The following MAP4 variants were observed in gnomAD, a reference collection of about 807,000 sequenced individuals.
MAP4 encodes the protein microtubule associated protein 4.
Under a neutral mutation model 170.2 loss-of-function variants are expected in MAP4, and 76 were observed. That is an observed-to-expected ratio of 0.45 (90% CI 0.37 to 0.54). The LOEUF (loss-of-function observed/expected upper bound fraction) is 0.54, where lower values mean the gene tolerates loss of function less well. Among genes scored for constraint, MAP4 ranks in the 20% least tolerant of loss-of-function variants. The pLI, the probability that MAP4 is intolerant of heterozygous loss-of-function variation, is 0.00. For missense variants in MAP4, 2,506 were observed against 2,748.0 expected, an observed-to-expected ratio of 0.91 and a Z score of 1.97; for synonymous variants, 909 against 994.5, an observed-to-expected ratio of 0.91 and a Z score of 1.62.
At chr3:47,954,724 C>T (rs2100066627) in intron 3 of MAP4, among the ~76,000 whole-genome samples, 1 of 152,166 alleles carries the variant, frequency 6.6e-6, no homozygotes, top group African/African-American at 2.4e-5. Flanking sequence ...GCTACTGTGG[C>T]CTATCAGTCA....
At chr3:47,897,863 A>G (rs1577253815) in intron 10 of MAP4, among the ~76,000 whole-genome samples, 1 of 148,106 alleles carries the variant, frequency 6.8e-6, no homozygotes, top group African/African-American at 2.6e-5. Flanking sequence ...AATCGCTTGA[A>G]CCTGGGAGGT....
In MAP4 at chr3:48,071,807, A is replaced by G. The variant is rs561453722; in HGVS notation, c.-20+16966T>C. ...TAGTCCCAGATACTCGGGAGGCTAAAGCAGGAGAATTGCTTGAACCCAGGA... is the reference window on the plus strand; with the variant it reads ...TAGTCCCAGATACTCGGGAGGCTAAGGCAGGAGAATTGCTTGAACCCAGGA... On this transcript the variant is annotated intron_variant, in intron 1 of 18. Coordinates refer to the MAP4 transcript ENST00000360240. Among the ~76,000 whole-genome samples the G allele has an allele frequency of 1.0e-3, 152 of 151,768 alleles. 1 individual carries two copies. Among genetic ancestry groups the G allele is most frequent in the Middle Eastern group, 3.4e-3 (1 of 292 alleles).
chr3:47,936,752 A>G (rs574493881), intron 3 of MAP4, among the ~76,000 whole-genome samples: 67 of 152,106 alleles, frequency 4.4e-4, no homozygotes, highest in Admixed American at 8.5e-4. Flanking sequence ...AAGCCAAGGT[A>G]GGCAGATCAC....
intron 1 of MAP4, among the ~76,000 whole-genome samples, chr3:48,060,794 T>TA (rs898030759): frequency 1.3e-5 from 2 of 152,060 alleles, no homozygotes; most frequent in African/African-American, 4.8e-5. Context: ...TAGCCAGTCT[T>TA]ACAACCCAAT....
At chr3:47,944,852 T>G (rs1425494206) in intron 3 of MAP4, among the ~76,000 whole-genome samples, 1 of 151,704 alleles carries the variant, frequency 6.6e-6, no homozygotes, top group Non-Finnish European at 1.5e-5. Flanking sequence ...TTTTTAATTA[T>G]GAGATAACTG....
At chr3:48,051,149 A>G (rs1048125485) in intron 1 of MAP4, among the ~76,000 whole-genome samples, 3 of 151,264 alleles carry the variant, frequency 2.0e-5, no homozygotes, top group Non-Finnish European at 4.4e-5. Context: ...GTGGTGGCTC[A>G]TGCCTGTAAT....
At chr3:48,021,072 C>T (rs1227911422), upstream of MAP4, among the ~76,000 whole-genome samples, 1 of 152,156 alleles carries the variant, frequency 6.6e-6, no homozygotes, top group African/African-American at 2.4e-5. Context: ...AATTAATCAA[C>T]AATCTACCTA....
chr3:48,042,777 A>G (rs2100122322), intron 1 of MAP4, among the ~76,000 whole-genome samples: 2 of 152,218 alleles, frequency 1.3e-5, no homozygotes, highest in African/African-American at 4.8e-5. Context: ...TAAATGATAA[A>G]TAAAATGAGG....
At chr3:48,051,300 C>A (rs1013783211) in intron 1 of MAP4, among the ~76,000 whole-genome samples, 4 of 151,996 alleles carry the variant, frequency 2.6e-5, no homozygotes, top group Admixed American at 6.6e-5. Flanking sequence ...GTAATCCCAG[C>A]TACCAGGAGG....
chr3:47,934,213 T>C (rs544761499), intron 3 of MAP4, among the ~76,000 whole-genome samples: 3 of 152,312 alleles, frequency 2.0e-5, no homozygotes, highest in African/African-American at 7.2e-5. Context: ...ACATATTAAA[T>C]AATTTTTTTA....
At chr3:47,927,023 G>A (rs2153775104) in intron 4 of MAP4, among the ~76,000 whole-genome samples, 1 of 152,118 alleles carries the variant, frequency 6.6e-6, no homozygotes, top group South Asian at 2.1e-4. Flanking sequence ...TTAGTTGGGT[G>A]TAGTGGGCAC....
chr3:47,852,902 T>C lies in MAP4; in HGVS notation c.*32A>G. On this transcript the variant is annotated 3_prime_UTR_variant, in exon 21 of 21. Coordinates refer to ENST00000683076, the MANE Select transcript of MAP4 (RefSeq NM_001385682.1). ...TCGGCCCCGTGGTCGGTGCGGGCCC[T>C]GGCATTTGCCCGGAACGTCAGCCTG... 6.2e-7 allele frequency: 1 copy of C among 1,607,718 alleles called. No individual in the cohort carries two copies. The highest frequency in any genetic ancestry group is 2.2e-5 in the East Asian group (1 of 44,608).
chr3:47,883,773 A>C (rs2097160714), intron 10 of MAP4, among the ~76,000 whole-genome samples: 1 of 152,052 alleles, frequency 6.6e-6, no homozygotes, highest in South Asian at 2.1e-4. Context: ...GCACTTGAAA[A>C]ATGTTGTGCC....
chr3:47,935,564 G>C (rs1188951708), intron 3 of MAP4, among the ~76,000 whole-genome samples: 1 of 152,044 alleles, frequency 6.6e-6, no homozygotes, highest in African/African-American at 2.4e-5. Flanking sequence ...CGAAGAAGTA[G>C]ACTTGTGATT....
At chr3:47,933,114 T>C (rs902628139) in intron 3 of MAP4, among the ~76,000 whole-genome samples, 2 of 152,026 alleles carry the variant, frequency 1.3e-5, no homozygotes, top group Admixed American at 6.6e-5. Context: ...AGCATTATGC[T>C]AAGTGAGGAA....
At chr3:48,072,206 C>T (rs1443720267) in intron 1 of MAP4, among the ~76,000 whole-genome samples, 1 of 151,404 alleles carries the variant, frequency 6.6e-6, no homozygotes, top group Non-Finnish European at 1.5e-5. Flanking sequence ...AATACTACTA[C>T]TACTACTAAT....
intron 15 of MAP4, among the ~76,000 whole-genome samples, chr3:47,870,186 A>G (rs2089046480): frequency 6.6e-6 from 1 of 152,132 alleles, no homozygotes; most frequent in Non-Finnish European, 1.5e-5. Context: ...TCCCATGGTT[A>G]CCAACAGTTA....
intron 2 of MAP4, among the ~76,000 whole-genome samples, chr3:47,981,405 A>C (rs1375691851): frequency 2.6e-5 from 4 of 151,886 alleles, no homozygotes; most frequent in Non-Finnish European, 5.9e-5. Context: ...TAAATAAATA[A>C]ATAAATAAAT....
Position 47,930,082 on chromosome 3 carries a change from A to G in MAP4, c.293-1732T>C, listed in dbSNP as rs1260958564. ...GAGGCGAAGGTTGCAGTGAGCTGAC[A>G]TTGTGCCACTGTACTGCAGCCTGGG... On this transcript the variant is annotated intron_variant, in intron 3 of 20. Coordinates refer to ENST00000683076, the MANE Select transcript of MAP4 (RefSeq NM_001385682.1). Among the ~76,000 whole-genome samples the G allele has an allele frequency of 3.9e-5, 6 of 152,194 alleles. No homozygotes were observed. The East Asian group carries it at 1.2e-3, about 29-fold the overall frequency.
Sources: allele counts gnomAD v4.1 joint callset (sites outside exome capture counted in the v4.1 genomes callset), GRCh38; gene constraint gnomAD v4.1.1; transcripts MANE v1.5; gene names NCBI Gene and HGNC (gene_info 2026-07-23, HGNC 2026-07-21).